Variants in EFCAB6 observed in about 807,000 individuals in gnomAD.
EFCAB6 encodes the protein EF-hand calcium-binding domain-containing protein 6.
A neutral mutation model predicts 169.8 loss-of-function variants in EFCAB6; 156 were observed. The observed-to-expected ratio is 0.92, with a 90% CI of 0.81 to 1.05. The LOEUF is 1.05. Ranked by LOEUF, EFCAB6 falls within the 50% of genes least tolerant of loss-of-function variation. The pLI is 0.00. For missense variants in EFCAB6, 1,800 were observed against 1,829.1 expected, an observed-to-expected ratio of 0.98 and a Z score of 0.29; for synonymous variants, 698 against 676.4, an observed-to-expected ratio of 1.03 and a Z score of -0.50.
chr22:43,675,375 A>G (rs952165943), intron 13 of EFCAB6, among the ~76,000 whole-genome samples: 7 of 130,156 alleles, frequency 5.4e-5, no homozygotes, highest in Non-Finnish European at 9.4e-5. Flanking sequence ...AATATAATAT[A>G]CTATATTATA....
chr22:43,694,729 C>T (rs1043992065), intron 10 of EFCAB6, among the ~76,000 whole-genome samples: 7 of 152,004 alleles, frequency 4.6e-5, no homozygotes, highest in South Asian at 2.1e-4. Context: ...AGGATAGACA[C>T]AGAAAAACCA....
At chr22:43,748,970 A>C (rs1411185942) in intron 6 of EFCAB6, among the ~76,000 whole-genome samples, 1 of 152,198 alleles carries the variant, frequency 6.6e-6, no homozygotes, top group Non-Finnish European at 1.5e-5. Flanking sequence ...AATGCAGATT[A>C]TAAGGGGCAA....
intron 6 of EFCAB6, among the ~76,000 whole-genome samples, chr22:43,738,112 A>C (rs1394586587): frequency 6.6e-6 from 1 of 151,186 alleles, no homozygotes; most frequent in African/African-American, 2.4e-5. Flanking sequence ...ACACCATCAC[A>C]CACATATATT....
At chr22:43,748,142 C>T (rs1277221781) in intron 6 of EFCAB6, among the ~76,000 whole-genome samples, 2 of 152,178 alleles carry the variant, frequency 1.3e-5, no homozygotes, top group East Asian at 3.9e-4. Flanking sequence ...AGCCTGGTAA[C>T]AGGTACGCCT....
At chr22:43,728,263 T>C (rs551269405) in intron 8 of EFCAB6, among the ~76,000 whole-genome samples, 2 of 152,340 alleles carry the variant, frequency 1.3e-5, no homozygotes, top group South Asian at 2.1e-4. Context: ...TATGGCTGCA[T>C]AGTACTCCTG....
At chr22:43,567,903 T>C (rs1233063348) in intron 26 of EFCAB6, among the ~76,000 whole-genome samples, 1 of 152,122 alleles carries the variant, frequency 6.6e-6, no homozygotes, top group Admixed American at 6.5e-5. Flanking sequence ...ACTGTTTGAC[T>C]CCGAAGCCAT....
At chr22:43,632,579 C>T (rs1354655047) in intron 18 of EFCAB6, among the ~76,000 whole-genome samples, 6 of 152,200 alleles carry the variant, frequency 3.9e-5, no homozygotes, top group African/African-American at 9.6e-5. Flanking sequence ...GGATTATAGG[C>T]GTGAGCCACC....
chr22:43,538,586 C>T (rs2047521333), intron 28 of EFCAB6, among the ~76,000 whole-genome samples: 1 of 152,008 alleles, frequency 6.6e-6, no homozygotes, highest in African/African-American at 2.4e-5. Flanking sequence ...ATGGGGTTTC[C>T]CCATGTTGGC....
chr22:43,678,645 T>G (rs1182312084), intron 12 of EFCAB6, among the ~76,000 whole-genome samples: 1 of 152,134 alleles, frequency 6.6e-6, no homozygotes, highest in South Asian at 2.1e-4. Context: ...ATTACATAAA[T>G]GGACAACTAC....
At chr22:43,686,972 TAAAACG>T (rs554325781) in intron 11 of EFCAB6, among the ~76,000 whole-genome samples, 115 of 152,288 alleles carry the variant, frequency 7.6e-4, no homozygotes, top group Admixed American at 1.6e-3. Context: ...TAATAGATAT[TAAAACG>T]AAAACAGAAA....
At chr22:43,555,218 A>C in intron 26 of EFCAB6, 122 bp from the exon 27 acceptor site, 1 of 996,008 alleles carries the variant, frequency 1.0e-6, no homozygotes, top group Admixed American at 2.2e-5. Context: ...AGGCCAGAAG[A>C]CAGCTACAGC....
At chr22:43,808,444 A>C (rs2062994274) in intron 2 of EFCAB6, among the ~76,000 whole-genome samples, 1 of 152,188 alleles carries the variant, frequency 6.6e-6, no homozygotes, top group Non-Finnish European at 1.5e-5. Flanking sequence ...ACTGACATGC[A>C]AAACTGTGTG....
At chr22:43,605,756 G>A (rs1362248694) in intron 22 of EFCAB6, among the ~76,000 whole-genome samples, 1 of 152,180 alleles carries the variant, frequency 6.6e-6, no homozygotes, top group African/African-American at 2.4e-5. Flanking sequence ...CTTAAAATTG[G>A]TGAAGATGGT....
intron 17 of EFCAB6, among the ~76,000 whole-genome samples, chr22:43,650,173 A>C (rs1415150235): frequency 3.3e-5 from 5 of 152,110 alleles, no homozygotes. Flanking sequence ...GGGCTCAGAG[A>C]ATAACCCAGT....
rs559955617 is a variant in EFCAB6, at chr22:43,686,607, G to A, written c.1142+864C>T. ...CTTCACATAACGAATGAACTCAGAG[G>A]TTGCAGCTCTGGAGCAGAGAGGGAG... On this transcript the variant is annotated intron_variant, in intron 11 of 31. Transcript: ENST00000262726. Among the ~76,000 whole-genome samples, 10 of 150,616 alleles carry A rather than the reference G, an allele frequency of 6.6e-5. No individual in the cohort carries two copies. In the South Asian group the frequency reaches 8.8e-4, roughly 13 times the overall value.
intron 23 of EFCAB6, among the ~76,000 whole-genome samples, chr22:43,597,078 T>C (rs369137094): frequency 9.9e-5 from 15 of 152,168 alleles, no homozygotes; most frequent in African/African-American, 3.6e-4. Flanking sequence ...ATCCCCATCT[T>C]TCAATACAGA....
chr22:43,639,880 A>G (rs1451990421), intron 17 of EFCAB6, among the ~76,000 whole-genome samples: 5 of 152,036 alleles, frequency 3.3e-5, no homozygotes, highest in South Asian at 4.2e-4. Flanking sequence ...ATAACTATTA[A>G]TCTATCCTCG....
At chr22:43,754,531 G>A (rs1389493946) in intron 6 of EFCAB6, among the ~76,000 whole-genome samples, 1 of 152,158 alleles carries the variant, frequency 6.6e-6, no homozygotes, top group African/African-American at 2.4e-5. Flanking sequence ...GTTCTCATAG[G>A]CAATTGAATG....
At chr22:43,636,536 A>G (rs2055408738) in intron 17 of EFCAB6, among the ~76,000 whole-genome samples, 1 of 151,770 alleles carries the variant, frequency 6.6e-6, no homozygotes, top group Non-Finnish European at 1.5e-5. Flanking sequence ...ACTGAGTCTT[A>G]GGGAGTTTGG....
Sources: gnomAD v4.1 joint callset for allele counts (sites outside exome capture counted in the v4.1 genomes callset) on GRCh38, gnomAD v4.1.1 for gene constraint, MANE v1.5 for transcripts, NCBI Gene and HGNC (gene_info 2026-07-23, HGNC 2026-07-21) for gene names.